EIF4G3: variants seen among roughly 807,000 people sequenced by gnomAD.
EIF4G3 encodes the protein eIF-4-gamma 3.
EIF4G3 carries 34 observed loss-of-function variants against 186.4 expected under a neutral mutation model. That is an observed-to-expected ratio of 0.18 (90% CI 0.14 to 0.24). The LOEUF is 0.24. Among genes scored for constraint, EIF4G3 ranks in the 10% least tolerant of loss-of-function variants. The pLI is 1.00. For synonymous variants in EIF4G3, 673 were observed against 679.5 expected, an observed-to-expected ratio of 0.99 and a Z score of 0.15; for missense variants, 1,536 against 1,948.5, an observed-to-expected ratio of 0.79 and a Z score of 3.99.
chr1:20,921,159 C>G (rs1307562845), intron 14 of EIF4G3, among the ~76,000 whole-genome samples: 1 of 152,060 alleles, frequency 6.6e-6, no homozygotes, highest in African/African-American at 2.4e-5. Context: ...AAAAAATCTT[C>G]TAATTTTTCC....
chr1:20,851,648 A>G (rs887772177), intron 27 of EIF4G3, among the ~76,000 whole-genome samples, 170 bp from the exon 28 acceptor site: 6 of 152,228 alleles, frequency 3.9e-5, no homozygotes, highest in African/African-American at 1.4e-4. Flanking sequence ...CAAACAAGTA[A>G]AAGAGTGCTT....
At chr1:21,028,725 A>G (rs185028012) in intron 4 of EIF4G3, among the ~76,000 whole-genome samples, 79 of 152,370 alleles carry the variant, frequency 5.2e-4, no homozygotes, top group African/African-American at 1.8e-3. Context: ...CAAGCTATAT[A>G]CAGTGTATGG....
At chr1:20,992,554 G>C (rs2081350763) in intron 7 of EIF4G3, among the ~76,000 whole-genome samples, 1 of 152,056 alleles carries the variant, frequency 6.6e-6, no homozygotes, top group Non-Finnish European at 1.5e-5. Flanking sequence ...TCCTCCTCCT[G>C]CTGATAGTGT....
At chr1:20,871,248 TCTC>T (rs1225222187) in intron 20 of EIF4G3, among the ~76,000 whole-genome samples, 1 of 152,192 alleles carries the variant, frequency 6.6e-6, no homozygotes, top group Non-Finnish European at 1.5e-5. Context: ...GAACACATAT[TCTC>T]CTAAATCTTA....
intron 2 of EIF4G3, among the ~76,000 whole-genome samples, chr1:21,130,921 GC>G (rs1014564309): frequency 6.6e-6 from 1 of 151,920 alleles, no homozygotes; most frequent in Non-Finnish European, 1.5e-5. Flanking sequence ...AGCAGACTGG[GC>G]CCAATTGATG....
At chr1:20,967,058 T>C (rs1218030869) in intron 12 of EIF4G3, among the ~76,000 whole-genome samples, 6 of 151,626 alleles carry the variant, frequency 4.0e-5, no homozygotes, top group African/African-American at 1.2e-4. Context: ...TTTATGATTA[T>C]AGAGAAATAT....
chr1:21,164,500 G>A (rs921275085), intron 2 of EIF4G3, among the ~76,000 whole-genome samples: 4 of 152,180 alleles, frequency 2.6e-5, no homozygotes, highest in African/African-American at 4.8e-5. Context: ...GCCAAGGCAG[G>A]AGAATCACTT....
chr1:20,886,681 G>A (rs72652952), intron 18 of EIF4G3, among the ~76,000 whole-genome samples: 1 of 152,182 alleles, frequency 6.6e-6, no homozygotes, highest in Non-Finnish European at 1.5e-5. Context: ...GAATAACTGT[G>A]GACTGGTCAC....
At chr1:21,083,305 C>G (rs1446654334) in intron 3 of EIF4G3, among the ~76,000 whole-genome samples, 1 of 151,954 alleles carries the variant, frequency 6.6e-6, no homozygotes, top group Non-Finnish European at 1.5e-5. Context: ...GCCTAAAAAC[C>G]TTTCTTCCAG....
intron 29 of EIF4G3, among the ~76,000 whole-genome samples, chr1:20,844,135 A>G (rs918604548): frequency 6.6e-6 from 1 of 152,204 alleles, no homozygotes; most frequent in Non-Finnish European, 1.5e-5. Flanking sequence ...ATGTGTCTTT[A>G]TAAGAGAACA....
At chr1:21,126,530 C>T (rs1046114578) in intron 2 of EIF4G3, among the ~76,000 whole-genome samples, 1 of 151,994 alleles carries the variant, frequency 6.6e-6, no homozygotes, top group Non-Finnish European at 1.5e-5. Context: ...GTAGCACCTG[C>T]CTGTAGTCAC....
At chr1:20,826,525 C>G in intron 32 of EIF4G3, among the ~76,000 whole-genome samples, 1 of 103,906 alleles carries the variant, frequency 9.6e-6, no homozygotes. Context: ...GAGTCTTGCT[C>G]TGTTGCCAGG....
Position 20,895,802 on chromosome 1 carries a change from A to C in EIF4G3, c.2000-301T>G, listed in dbSNP as rs192259054. On this transcript the variant is annotated intron_variant, in intron 16 of 36. Coordinates refer to ENST00000602326, the MANE Select transcript of EIF4G3 (RefSeq NM_001391906.1). ...TCAAGTATAACACATAATATTTCAT[A>C]GTAACAAGAAATAACTACGTTACTG... 1.1e-4 allele frequency among the ~76,000 whole-genome samples: 16 copies of C among 152,372 alleles called. No homozygotes were observed. The East Asian group carries it at 3.1e-3, about 29-fold the overall frequency.
chr1:21,059,252 C>G (rs927649305), intron 3 of EIF4G3, among the ~76,000 whole-genome samples: 2 of 152,210 alleles, frequency 1.3e-5, no homozygotes, highest in East Asian at 1.9e-4. Context: ...AAGTTCAATT[C>G]TGGGTAGTTT....
At chr1:21,163,435 T>C (rs1369054677) in intron 2 of EIF4G3, among the ~76,000 whole-genome samples, 1 of 152,210 alleles carries the variant, frequency 6.6e-6, no homozygotes, top group Non-Finnish European at 1.5e-5. Context: ...CAATTATTAA[T>C]TAGGTACTTG....
intron 14 of EIF4G3, among the ~76,000 whole-genome samples, chr1:20,906,333 T>C: frequency 6.6e-6 from 1 of 152,226 alleles, no homozygotes; most frequent in East Asian, 1.9e-4. Flanking sequence ...CCAGTCTGTT[T>C]AATGCATTTC....
intron 14 of EIF4G3, among the ~76,000 whole-genome samples, chr1:20,935,986 C>T (rs1204198206): frequency 1.3e-5 from 2 of 152,146 alleles, no homozygotes; most frequent in African/African-American, 4.8e-5. Context: ...AGATGTAGAA[C>T]TAAGTTAATA....
chr1:21,026,250 T>A (rs903082117), intron 4 of EIF4G3, among the ~76,000 whole-genome samples: 2 of 152,126 alleles, frequency 1.3e-5, no homozygotes, highest in East Asian at 1.9e-4. Flanking sequence ...CACAAATATA[T>A]GTTCAAACGA....
At chr1:21,176,642 A>C (rs1163284363) in intron 1 of EIF4G3, 80 bp downstream of exon 1, 1 of 426,552 alleles carries the variant, frequency 2.3e-6, no homozygotes, top group African/African-American at 2.2e-5. Flanking sequence ...GGCCAGCACC[A>C]CCGGCTGCCG....
Sources: allele counts gnomAD v4.1 joint callset (sites outside exome capture counted in the v4.1 genomes callset), GRCh38; gene constraint gnomAD v4.1.1; transcripts MANE v1.5; gene names NCBI Gene and HGNC (gene_info 2026-07-23, HGNC 2026-07-21).